NPAS3: variants seen among roughly 807,000 people sequenced by gnomAD.
NPAS3 encodes neuronal PAS domain-containing protein 3.
In NPAS3, 14 loss-of-function variants were observed where a neutral mutation model predicts 73.1. The observed-to-expected ratio is 0.19, with a 90% CI of 0.13 to 0.30. The LOEUF (loss-of-function observed/expected upper bound fraction) is 0.30. Among genes scored for constraint, NPAS3 ranks in the 10% least tolerant of loss-of-function variants. NPAS3 has a pLI of 1.00. For missense variants in NPAS3, 1,096 were observed against 1,250.0 expected (o/e 0.88, Z 1.86); for synonymous variants, 620 against 541.5 (o/e 1.14, Z -2.01).
At chr14:33,732,104 TA>T (rs2061416630) in intron 6 of NPAS3, among the ~76,000 whole-genome samples, 2 of 152,234 alleles carry the variant, frequency 1.3e-5, no homozygotes, top group South Asian at 4.1e-4. Flanking sequence ...GAAAGCACTC[TA>T]AAATGCTTCT....
intron 4 of NPAS3, among the ~76,000 whole-genome samples, chr14:33,374,709 G>GT (rs1053185669): frequency 4.0e-5 from 6 of 149,594 alleles, no homozygotes; most frequent in Non-Finnish European, 7.4e-5. Flanking sequence ...CGGGGCGGGG[G>GT]GGGGAGTAGA....
chr14:33,643,968 T>A (rs2058751604), intron 5 of NPAS3, among the ~76,000 whole-genome samples: 1 of 152,222 alleles, frequency 6.6e-6, no homozygotes, highest in South Asian at 2.1e-4. Flanking sequence ...CAAAGCTTTA[T>A]TTAATTTCCA....
intron 5 of NPAS3, among the ~76,000 whole-genome samples, chr14:33,580,528 T>C (rs552650056): frequency 7.1e-4 from 108 of 152,234 alleles, no homozygotes; most frequent in African/African-American, 2.4e-3. Context: ...GCAACCCGTG[T>C]ACCCAGCCTG....
chr14:33,059,482 A>G (rs1240641934), intron 2 of NPAS3, among the ~76,000 whole-genome samples: 1 of 152,206 alleles, frequency 6.6e-6, no homozygotes, highest in Non-Finnish European at 1.5e-5. Context: ...GGGTAGGTAT[A>G]TAGTGTTTTA....
At chr14:33,142,868 C>G (rs58235645) in intron 2 of NPAS3, among the ~76,000 whole-genome samples, 6,188 of 151,462 alleles carry the variant, frequency 0.041, 430 homozygotes, top group African/African-American at 0.14. Context: ...TGGGAAGGCC[C>G]AGGCAGGTGG....
At chr14:33,475,549 TA>T (rs5807728) in intron 4 of NPAS3, among the ~76,000 whole-genome samples, 17,355 of 112,502 alleles carry the variant, frequency 0.15, 1,393 homozygotes, top group African/African-American at 0.27. Flanking sequence ...AACTAAGATC[TA>T]AAAAAAAAAA....
chr14:33,218,687 G>A (rs1594424707), intron 3 of NPAS3, among the ~76,000 whole-genome samples: 1 of 152,090 alleles, frequency 6.6e-6, no homozygotes, highest in South Asian at 2.1e-4. Flanking sequence ...CATTGTGGTG[G>A]CAACATTTTT....
exon 6 of NPAS3, chr14:33,676,360 C>T: frequency 6.3e-7 from 1 of 1,589,708 alleles, no homozygotes; most frequent in East Asian, 2.3e-5. Context: ...CATCTTCCTC[C>T]TCTCAGTCGG....
chr14:33,325,094 G>A (rs2043633320), intron 3 of NPAS3, among the ~76,000 whole-genome samples: 1 of 152,174 alleles, frequency 6.6e-6, no homozygotes, highest in South Asian at 2.1e-4. Flanking sequence ...ATACTGGTAT[G>A]TGGATAGCGG....
intron 3 of NPAS3, among the ~76,000 whole-genome samples, chr14:33,305,903 C>G (rs375582157): frequency 1.3e-5 from 2 of 152,132 alleles, no homozygotes; most frequent in African/African-American, 4.8e-5. Flanking sequence ...TCTGAATTTG[C>G]AAGTGTAGGC....
chr14:33,070,322 T>C (rs918965498), intron 2 of NPAS3, among the ~76,000 whole-genome samples: 5 of 152,170 alleles, frequency 3.3e-5, no homozygotes, highest in Non-Finnish European at 5.9e-5. Flanking sequence ...ATCCCTCTTA[T>C]TATCAGCAAC....
chr14:33,393,329 A>G (rs906017196), intron 4 of NPAS3, among the ~76,000 whole-genome samples: 9 of 152,180 alleles, frequency 5.9e-5, no homozygotes, highest in African/African-American at 1.9e-4. Context: ...TTAAAGGAAT[A>G]AGGATGTACT....
chr14:33,177,109 T>TATTATTATTATCATC (rs1354243278), intron 2 of NPAS3, among the ~76,000 whole-genome samples: 12 of 145,174 alleles, frequency 8.3e-5, no homozygotes, highest in African/African-American at 2.3e-4. Flanking sequence ...TTATTATTAT[T>TATTATTATTATCATC]ATCTTTGAGA....
intron 1 of NPAS3, among the ~76,000 whole-genome samples, chr14:32,985,390 A>G (rs2038057179): frequency 6.6e-6 from 1 of 152,176 alleles, no homozygotes. Context: ...TCCAAATAAC[A>G]CAGGGAGGGG....
chr14:33,386,894 A>C (rs887890711), intron 4 of NPAS3, among the ~76,000 whole-genome samples: 1 of 152,106 alleles, frequency 6.6e-6, no homozygotes, highest in Non-Finnish European at 1.5e-5. Flanking sequence ...TCTAGCATCG[A>C]AAGTATAGGC....
At chr14:33,437,725 T>C (rs7155125) in intron 4 of NPAS3, among the ~76,000 whole-genome samples, 31,188 of 152,168 alleles carry the variant, frequency 0.2, 3,624 homozygotes, top group East Asian at 0.5. Context: ...GTAGCCCACA[T>C]AGACACTGTC....
chr14:32,938,847 C>G, upstream of NPAS3, among the ~76,000 whole-genome samples: 1 of 146,530 alleles, frequency 6.8e-6, no homozygotes, highest in East Asian at 2.0e-4. Context: ...GCCGCCGCCG[C>G]CGCCTCCCCC....
intron 3 of NPAS3, among the ~76,000 whole-genome samples, chr14:33,241,795 T>A (rs2048221854): frequency 6.6e-6 from 1 of 152,042 alleles, no homozygotes; most frequent in Non-Finnish European, 1.5e-5. Context: ...AGTAGAAATA[T>A]GTTTTATAAT....
chr14:33,250,145 T>C (rs576212892), intron 3 of NPAS3, among the ~76,000 whole-genome samples: 2 of 152,254 alleles, frequency 1.3e-5, no homozygotes, highest in South Asian at 2.1e-4. Context: ...GAAATGTGCC[T>C]AAATAACATG....
Sources: gnomAD v4.1 joint callset for allele counts (sites outside exome capture counted in the v4.1 genomes callset) on GRCh38, gnomAD v4.1.1 for gene constraint, MANE v1.5 for transcripts, NCBI Gene and HGNC (gene_info 2026-07-23, HGNC 2026-07-21) for gene names.